CHN1: variants seen among roughly 807,000 people sequenced by gnomAD.
CHN1 encodes N-chimaerin.
A neutral mutation model predicts 59.5 loss-of-function variants in CHN1; 37 were observed. That is an observed-to-expected ratio of 0.62 (90% confidence interval 0.48 to 0.82). CHN1 has a LOEUF of 0.82. CHN1 is among the 40% of genes least tolerant of loss of function. The probability of loss-of-function intolerance (pLI) is 0.00; values close to 1 mark genes in which losing one functional copy is unlikely to be tolerated. For synonymous variants in CHN1, 206 were observed against 200.4 expected (o/e 1.03, Z -0.24); for missense variants, 469 against 571.0 (o/e 0.82, Z 1.82).
chr2:174,910,572 A>G (rs1158932962), intron 5 of CHN1, among the ~76,000 whole-genome samples: 1 of 152,212 alleles, frequency 6.6e-6, no homozygotes, highest in Non-Finnish European at 1.5e-5. Context: ...AATGATACAA[A>G]TTTGTTGAGT....
intron 3 of CHN1, among the ~76,000 whole-genome samples, chr2:174,936,102 G>T (rs1381767564): frequency 6.6e-6 from 1 of 152,028 alleles, no homozygotes; most frequent in African/African-American, 2.4e-5. Context: ...AGTACATTTT[G>T]TCCAGCCTCA....
At chr2:174,971,778 C>T (rs929776103) in intron 1 of CHN1, among the ~76,000 whole-genome samples, 1 of 152,102 alleles carries the variant, frequency 6.6e-6, no homozygotes, top group African/African-American at 2.4e-5. Context: ...ATACTCCTGA[C>T]CAAAATTGAT....
chr2:174,939,944 T>TAATTAGC (rs1689606506), intron 3 of CHN1, among the ~76,000 whole-genome samples: 1 of 152,226 alleles, frequency 6.6e-6, no homozygotes, highest in Non-Finnish European at 1.5e-5. Flanking sequence ...CAAAGCTATA[T>TAATTAGC]TGTGTTTTAA....
intron 2 of CHN1, among the ~76,000 whole-genome samples, chr2:174,946,762 A>G (rs1689848197): frequency 3.9e-5 from 6 of 152,114 alleles, no homozygotes; most frequent in Admixed American, 2.6e-4. Flanking sequence ...ATGATTTGTA[A>G]GAAAGAAGGA....
chr2:174,807,314 T>G (rs892596599), intron 11 of CHN1, among the ~76,000 whole-genome samples: 1 of 152,194 alleles, frequency 6.6e-6, no homozygotes, highest in African/African-American at 2.4e-5. Flanking sequence ...CTCTGCTGAT[T>G]GTGTGCCCCA....
chr2:174,933,482 G>A (rs1477270676), intron 3 of CHN1, among the ~76,000 whole-genome samples: 3 of 151,576 alleles, frequency 2.0e-5, no homozygotes, highest in Non-Finnish European at 4.4e-5. Context: ...GGGATGATGA[G>A]AGGAAAAAAA....
At chr2:174,909,416 T>A (rs1220797574) in intron 5 of CHN1, among the ~76,000 whole-genome samples, 1 of 152,308 alleles carries the variant, frequency 6.6e-6, no homozygotes. Context: ...AAGCAATCAG[T>A]ACATGCATTT....
rs200297630 is a variant in CHN1 at position 174,885,434 on chromosome 2, T to G, written c.261-7306A>C. ...TTACAGAGCCATAATGGTCTTAGTG[T>G]GATGACCTATATAATATGAAGCTGC... On this transcript the variant is annotated intron_variant, in intron 5 of 12. Transcript: ENST00000409900. 7.9e-5 allele frequency among the ~76,000 whole-genome samples: 12 copies of G among 152,178 alleles called. No homozygotes were observed. In the East Asian group the frequency reaches 2.1e-3, roughly 27 times the overall value.
chr2:174,886,993 G>A (rs868177097), intron 5 of CHN1, among the ~76,000 whole-genome samples: 1 of 152,070 alleles, frequency 6.6e-6, no homozygotes, highest in Non-Finnish European at 1.5e-5. Context: ...GCAGTTTGGC[G>A]TTGTCCTATT....
At chr2:174,810,384 C>T (rs1685032516) in intron 10 of CHN1, among the ~76,000 whole-genome samples, 1 of 152,158 alleles carries the variant, frequency 6.6e-6, no homozygotes, top group African/African-American at 2.4e-5. Context: ...AAATCTGTTA[C>T]TGGTGTTTTC....
At chr2:174,889,448 A>AT in intron 5 of CHN1, among the ~76,000 whole-genome samples, 1 of 152,330 alleles carries the variant, frequency 6.6e-6, no homozygotes, top group East Asian at 1.9e-4. Flanking sequence ...AAGAAATTCA[A>AT]TGATCTACAA....
At chr2:174,908,520 C>T (rs1312562108) in intron 5 of CHN1, among the ~76,000 whole-genome samples, 1 of 152,136 alleles carries the variant, frequency 6.6e-6, no homozygotes, top group Non-Finnish European at 1.5e-5. Flanking sequence ...TAAAATTTCC[C>T]ATACTCCCAG....
At chr2:174,915,245 C>A (rs1450701495) in intron 4 of CHN1, 74 bp from the exon 5 acceptor site, 3 of 1,056,110 alleles carry the variant, frequency 2.8e-6, no homozygotes, top group Non-Finnish European at 4.3e-6. Flanking sequence ...AACGTCCCAC[C>A]ACCACCACCT....
At chr2:174,970,988 T>C (rs928866614) in intron 1 of CHN1, among the ~76,000 whole-genome samples, 2 of 152,226 alleles carry the variant, frequency 1.3e-5, no homozygotes, top group Admixed American at 6.5e-5. Context: ...TTTATAAAAA[T>C]GTAAAAGAAT....
At chr2:174,947,431 T>C (rs1460359286) in intron 2 of CHN1, among the ~76,000 whole-genome samples, 6 of 152,250 alleles carry the variant, frequency 3.9e-5, no homozygotes, top group Non-Finnish European at 7.4e-5. Flanking sequence ...TGCCTCCTGA[T>C]TGGCTACCAG....
At chr2:174,813,348 T>C (rs1249406486) in intron 8 of CHN1, among the ~76,000 whole-genome samples, 1 of 152,024 alleles carries the variant, frequency 6.6e-6, no homozygotes. Flanking sequence ...GGTGTGGAGG[T>C]TCCAGCCCTC....
intron 1 of CHN1, 60 bp downstream of exon 1, chr2:175,004,819 GGCCCCCCAGGCCCCC>G: frequency 9.9e-7 from 1 of 1,008,788 alleles, no homozygotes; most frequent in Admixed American, 4.8e-5. Context: ...CGGGCGCCCA[GGCCCCCCAGGCCCCC>G]GCCCCCGAGC....
At chr2:174,966,258 T>C (rs2105432363) in intron 1 of CHN1, among the ~76,000 whole-genome samples, 1 of 151,990 alleles carries the variant, frequency 6.6e-6, no homozygotes, top group Middle Eastern at 3.4e-3. Flanking sequence ...CTGATGGAAA[T>C]AAACTATTTT....
At chr2:174,941,367 G>T (rs906076389) in intron 3 of CHN1, among the ~76,000 whole-genome samples, 2 of 151,896 alleles carry the variant, frequency 1.3e-5, no homozygotes, top group African/African-American at 2.4e-5. Context: ...CCCTTTCCTT[G>T]GACTGAGATA....
Sources: gnomAD v4.1 joint callset for allele counts (sites outside exome capture counted in the v4.1 genomes callset) on GRCh38, gnomAD v4.1.1 for gene constraint, MANE v1.5 for transcripts, NCBI Gene and HGNC (gene_info 2026-07-23, HGNC 2026-07-21) for gene names.